EYA1: variants seen among roughly 807,000 people sequenced by gnomAD.
EYA1 encodes EYA transcriptional coactivator and phosphatase 1.
In EYA1, 16 loss-of-function variants were observed where a neutral mutation model predicts 82.0. That is an observed-to-expected ratio of 0.20 (90% CI 0.13 to 0.30). EYA1 has a LOEUF of 0.30. Ranked by LOEUF, EYA1 falls within the 10% of genes least tolerant of loss-of-function variation. The pLI is 1.00. For missense variants in EYA1, 633 were observed against 730.7 expected (o/e 0.87, Z 1.54); for synonymous variants, 261 against 264.4 (o/e 0.99, Z 0.12).
chr8:71,389,582 T>C lies in EYA1; in HGVS notation c.34-33071A>G, dbSNP rs546888045. ...TTAGAGCTTTTACTAGACTTGACTT[T>C]TGAAGTTAAGAATATCAACATCATG... On this transcript the variant is annotated intron_variant, in intron 2 of 18. Coordinates refer to the EYA1 transcript ENST00000643681. Among the ~76,000 whole-genome samples, 11 of 152,330 alleles carry C rather than the reference T, an allele frequency of 7.2e-5. No individual in the cohort carries two copies. In the East Asian group the frequency reaches 1.5e-3, roughly 21 times the overall value.
chr8:71,520,143 A>T (rs760617699), intron 2 of EYA1, among the ~76,000 whole-genome samples: 5 of 152,170 alleles, frequency 3.3e-5, no homozygotes, highest in Non-Finnish European at 5.9e-5. Context: ...TTATGAGAAC[A>T]AACAATAATG....
chr8:71,503,203 G>C (rs1811941847), intron 2 of EYA1, among the ~76,000 whole-genome samples: 1 of 152,080 alleles, frequency 6.6e-6, no homozygotes, highest in South Asian at 2.1e-4. Context: ...GTATTCAAAA[G>C]GGAAGCGATC....
intron 2 of EYA1, among the ~76,000 whole-genome samples, chr8:71,401,067 A>T (rs58605362): frequency 0.12 from 18,336 of 152,192 alleles, 1,169 homozygotes; most frequent in South Asian, 0.16. Flanking sequence ...GTTCTCAATT[A>T]TAAGTGTGAG....
intron 2 of EYA1, among the ~76,000 whole-genome samples, chr8:71,409,799 G>T (rs1035045324): frequency 7.7e-6 from 1 of 130,086 alleles, no homozygotes; most frequent in Non-Finnish European, 1.7e-5. Context: ...AGAGGTACAA[G>T]GAGGAACTGG....
chr8:71,343,414 G>A (rs550717027), intron 3 of EYA1, among the ~76,000 whole-genome samples: 11 of 152,164 alleles, frequency 7.2e-5, no homozygotes, highest in Admixed American at 1.3e-4. Flanking sequence ...GATCACAAGC[G>A]CTCCACCCTC....
chr8:71,331,778 T>A (rs1823903702), intron 4 of EYA1, among the ~76,000 whole-genome samples: 1 of 152,160 alleles, frequency 6.6e-6, no homozygotes, highest in Admixed American at 6.5e-5. Flanking sequence ...CAGATCCACA[T>A]TATTGACAGT....
intron 12 of EYA1, among the ~76,000 whole-genome samples, chr8:71,231,063 T>G (rs1811133147): frequency 6.6e-6 from 1 of 152,218 alleles, no homozygotes; most frequent in African/African-American, 2.4e-5. Context: ...TCCTGGGTTT[T>G]CTATCTCTAC....
intron 1 of EYA1, among the ~76,000 whole-genome samples, chr8:71,539,377 A>C (rs1814967675): frequency 6.6e-6 from 1 of 152,128 alleles, no homozygotes; most frequent in Non-Finnish European, 1.5e-5. Flanking sequence ...ACCACAACAC[A>C]CAGGAGACAG....
At chr8:71,318,490 C>T (rs1822171898) in intron 6 of EYA1, among the ~76,000 whole-genome samples, 1 of 152,130 alleles carries the variant, frequency 6.6e-6, no homozygotes, top group African/African-American at 2.4e-5. Flanking sequence ...CCAAATACTT[C>T]CCCAAACACC....
intron 2 of EYA1, among the ~76,000 whole-genome samples, chr8:71,487,684 C>T (rs1296366384): frequency 3.3e-5 from 5 of 152,234 alleles, no homozygotes; most frequent in Non-Finnish European, 5.9e-5. Flanking sequence ...ACAGGCACTT[C>T]GCAAAACAGG....
rs776792831 is a variant in EYA1 at position 71,299,756 on chromosome 8, G to A, written c.557-36C>T. ...ATGAAAAGAAATACGATTATACCAG[G>A]CTTGTGGAATAATGTGGGTACAGGA... On this transcript the variant is annotated intron_variant, in intron 7 of 17. Transcript: ENST00000340726. The A allele has an allele frequency of 4.5e-6, 5 of 1,108,068 alleles. No individual in the cohort carries two copies. The South Asian group carries it at 6.2e-5, about 14-fold the overall frequency. 68.6% of individuals were successfully genotyped at this position (1,108,068 alleles called of 1,614,324 possible).
intron 11 of EYA1, among the ~76,000 whole-genome samples, chr8:71,257,007 A>C (rs1425777043): frequency 6.6e-6 from 1 of 152,132 alleles, no homozygotes; most frequent in Non-Finnish European, 1.5e-5. Flanking sequence ...CTCAAAAAAA[A>C]AATAAAATAA....
chr8:71,199,248 G>C lies in EYA1; in HGVS notation c.*92C>G, dbSNP rs921520341. On this transcript the variant is annotated 3_prime_UTR_variant, in exon 18 of 18. Transcript: ENST00000340726. The stretch of plus-strand genomic sequence containing the variant: ...CGCATCACCAGGCGGAAATTGCTAA[G>C]TTCTGGAGGCCGGCGCTGATGCGAG... 3.2e-6 allele frequency: 3 copies of C among 945,472 alleles called. No individual in the cohort carries two copies. Among genetic ancestry groups the C allele is most frequent in the East Asian group, 5.2e-5 (2 of 38,226 alleles). 58.6% of individuals were successfully genotyped at this position (945,472 alleles called of 1,614,324 possible).
At chr8:71,519,816 A>T (rs867746943) in intron 2 of EYA1, among the ~76,000 whole-genome samples, 2 of 152,066 alleles carry the variant, frequency 1.3e-5, no homozygotes, top group Admixed American at 6.6e-5. Flanking sequence ...CCTAGAAGGG[A>T]TCGGTTATTT....
intron 2 of EYA1, among the ~76,000 whole-genome samples, chr8:71,422,361 G>T (rs1444957296): frequency 6.6e-6 from 1 of 152,092 alleles, no homozygotes; most frequent in Non-Finnish European, 1.5e-5. Context: ...CTATTACATT[G>T]GTTACTGATC....
intron 3 of EYA1, among the ~76,000 whole-genome samples, chr8:71,348,618 TAC>T (rs1825992186): frequency 6.6e-6 from 1 of 152,172 alleles, no homozygotes; most frequent in Non-Finnish European, 1.5e-5. Context: ...TTATGAAAGA[TAC>T]AGTTAGCTGC....
At chr8:71,537,228 A>C (rs1814776614) in intron 1 of EYA1, among the ~76,000 whole-genome samples, 1 of 152,220 alleles carries the variant, frequency 6.6e-6, no homozygotes, top group Non-Finnish European at 1.5e-5. Context: ...GCCATATTAA[A>C]GCACTATGTT....
chr8:71,457,527 A>G (rs1808034239), intron 2 of EYA1, among the ~76,000 whole-genome samples: 1 of 152,234 alleles, frequency 6.6e-6, no homozygotes, highest in African/African-American at 2.4e-5. Context: ...TCCATCAATG[A>G]CAGACTGGAT....
rs139473069 is a variant in EYA1 at position 71,369,876 on chromosome 8, A to C, written c.34-13365T>G. Among the ~76,000 whole-genome samples, 21 of 152,264 alleles carry C rather than the reference A, an allele frequency of 1.4e-4. No individual in the cohort carries two copies. In the East Asian group the frequency reaches 4.1e-3, roughly 29 times the overall value. ...AAGCTGGACTGGCTAGGGCATTATCATTATAGGAACATTAATTTTATTTTA... is the reference window on the plus strand; with the variant it reads ...AAGCTGGACTGGCTAGGGCATTATCCTTATAGGAACATTAATTTTATTTTA... On this transcript the variant is annotated intron_variant, in intron 2 of 18. Transcript: ENST00000643681.
Sources: gnomAD v4.1 joint callset for allele counts (sites outside exome capture counted in the v4.1 genomes callset) on GRCh38, gnomAD v4.1.1 for gene constraint, MANE v1.5 for transcripts, NCBI Gene and HGNC (gene_info 2026-07-23, HGNC 2026-07-21) for gene names.